ARHGAP32: variants seen among roughly 807,000 people sequenced by gnomAD.
ARHGAP32 encodes the protein rho GTPase-activating protein 32.
A neutral mutation model predicts 186.5 loss-of-function variants in ARHGAP32; 51 were observed. That is an observed-to-expected ratio of 0.27 (90% confidence interval 0.22 to 0.35). The LOEUF (loss-of-function observed/expected upper bound fraction) is 0.35, where lower values mean the gene tolerates loss of function less well. ARHGAP32 is among the 10% of genes least tolerant of loss of function. The pLI, the probability that ARHGAP32 is intolerant of heterozygous loss-of-function variation, is 1.00. For synonymous variants in ARHGAP32, 950 were observed against 964.3 expected (o/e 0.99, Z 0.27); for missense variants, 2,186 against 2,623.5 (o/e 0.83, Z 3.64).
intron 15 of ARHGAP32, among the ~76,000 whole-genome samples, chr11:128,983,221 G>C (rs1026790953): frequency 1.3e-5 from 2 of 152,134 alleles, no homozygotes; most frequent in African/African-American, 4.8e-5. Context: ...TCAAATCAAG[G>C]TCAGAGTGGC....
At chr11:129,085,044 G>C (rs1339215226) in intron 6 of ARHGAP32, among the ~76,000 whole-genome samples, 1 of 151,060 alleles carries the variant, frequency 6.6e-6, no homozygotes, top group African/African-American at 2.4e-5. Flanking sequence ...TTTTTTTAGA[G>C]ACAAAGTCTC....
At chr11:129,129,000 G>A (rs924561736) in intron 2 of ARHGAP32, among the ~76,000 whole-genome samples, 2 of 152,168 alleles carry the variant, frequency 1.3e-5, no homozygotes, top group Non-Finnish European at 2.9e-5. Flanking sequence ...CTGCCTGGCC[G>A]CCACCCCGTC....
intron 1 of ARHGAP32, among the ~76,000 whole-genome samples, chr11:129,177,772 T>C (rs566439311): frequency 0.012 from 1,812 of 152,336 alleles, 40 homozygotes; most frequent in African/African-American, 0.041. Context: ...AAATTAGGTA[T>C]TGATGGGACA....
chr11:129,184,303 G>A (rs781183864), intron 1 of ARHGAP32, among the ~76,000 whole-genome samples: 71 of 152,214 alleles, frequency 4.7e-4, no homozygotes, highest in East Asian at 1.5e-3. Flanking sequence ...GCAAAGAAGC[G>A]CAGATACTTT....
intron 2 of ARHGAP32, among the ~76,000 whole-genome samples, chr11:129,147,727 G>T (rs1478412186): frequency 6.6e-6 from 1 of 152,128 alleles, no homozygotes; most frequent in African/African-American, 2.4e-5. Context: ...GGTAATTTTT[G>T]AATTCTCCTT....
chr11:128,973,998 C>T, intron 21 of ARHGAP32, 126 bp downstream of exon 21: 1 of 1,201,540 alleles, frequency 8.3e-7, no homozygotes, highest in Non-Finnish European at 1.2e-6. Flanking sequence ...CAGCACCACC[C>T]AGAAAAGCAT....
At chr11:129,204,687 T>TA (rs1944495053) in intron 1 of ARHGAP32, among the ~76,000 whole-genome samples, 1 of 152,144 alleles carries the variant, frequency 6.6e-6, no homozygotes, top group South Asian at 2.1e-4. Flanking sequence ...GTTGTAAGAG[T>TA]AAAAATGAGA....
intron 11 of ARHGAP32, among the ~76,000 whole-genome samples, chr11:129,028,409 GA>G (rs567931828): frequency 1.8e-4 from 28 of 152,148 alleles, no homozygotes; most frequent in Middle Eastern, 3.4e-3. Flanking sequence ...GAAATGGGGG[GA>G]AAAAATGGCT....
At chr11:129,023,668 A>G (rs1938699517) in intron 11 of ARHGAP32, among the ~76,000 whole-genome samples, 1 of 152,214 alleles carries the variant, frequency 6.6e-6, no homozygotes, top group Non-Finnish European at 1.5e-5. Context: ...CAAAAAGTAT[A>G]AACTTTTTGA....
At position 129,208,611 on chromosome 11, in the gene ARHGAP32, T is replaced by C. The variant is rs574660788; in HGVS notation, c.-4-44184A>G. On this transcript the variant is annotated intron_variant, in intron 1 of 6. Coordinates refer to the ARHGAP32 transcript ENST00000525234. ...GACAATTAATCATGCATTGCTTGTTTGGCCACCTTCAAACAACCGGACAGT... is the reference window on the plus strand; with the variant it reads ...GACAATTAATCATGCATTGCTTGTTCGGCCACCTTCAAACAACCGGACAGT... Among the ~76,000 whole-genome samples the C allele has an allele frequency of 3.9e-4, 59 of 151,742 alleles. 1 individual carries two copies. The highest frequency in any genetic ancestry group is 1.4e-3 in the African/African-American group (59 of 41,424).
At chr11:129,064,181 G>A (rs1413800231) in intron 8 of ARHGAP32, among the ~76,000 whole-genome samples, 157 bp from the exon 9 acceptor site, 1 of 150,540 alleles carries the variant, frequency 6.6e-6, no homozygotes, top group Non-Finnish European at 1.5e-5. Context: ...AAATATGCTA[G>A]TCATTGTGCT....
chr11:129,023,393 C>T (rs535368940), intron 11 of ARHGAP32, among the ~76,000 whole-genome samples: 3 of 152,046 alleles, frequency 2.0e-5, no homozygotes, highest in Non-Finnish European at 4.4e-5. Context: ...ACACAGTCTA[C>T]CAAATTATTT....
At chr11:129,002,095 T>C (rs747402965) in intron 11 of ARHGAP32, among the ~76,000 whole-genome samples, 3 of 152,212 alleles carry the variant, frequency 2.0e-5, no homozygotes, top group Non-Finnish European at 4.4e-5. Flanking sequence ...TTTAGTTCCA[T>C]ATAAATTTTA....
chr11:129,268,778 C>A (rs1375816334), intron 1 of ARHGAP32, among the ~76,000 whole-genome samples: 1 of 150,380 alleles, frequency 6.6e-6, no homozygotes, highest in African/African-American at 2.4e-5. Flanking sequence ...CACCCTCCAG[C>A]AAATCACAAC....
chr11:129,182,431 C>T (rs1020437966), intron 1 of ARHGAP32, among the ~76,000 whole-genome samples: 2 of 152,026 alleles, frequency 1.3e-5, no homozygotes, highest in South Asian at 2.1e-4. Context: ...TTTCCCAGGT[C>T]GTCATATGTC....
intron 6 of ARHGAP32, among the ~76,000 whole-genome samples, chr11:129,083,104 G>A (rs770141159): frequency 6.6e-6 from 1 of 152,104 alleles, no homozygotes; most frequent in Admixed American, 6.5e-5. Flanking sequence ...ATAACATGTT[G>A]GCATTGATGT....
chr11:129,137,781 T>C (rs190924517), intron 2 of ARHGAP32, among the ~76,000 whole-genome samples: 13 of 152,102 alleles, frequency 8.5e-5, no homozygotes, highest in Non-Finnish European at 1.6e-4. Flanking sequence ...GACAGTCACA[T>C]GCAGATGATG....
At chr11:129,254,614 C>T (rs1945229931) in intron 1 of ARHGAP32, among the ~76,000 whole-genome samples, 1 of 152,100 alleles carries the variant, frequency 6.6e-6, no homozygotes, top group South Asian at 2.1e-4. Context: ...ATGTCACACA[C>T]AGATAATTAA....
intron 1 of ARHGAP32, among the ~76,000 whole-genome samples, chr11:129,242,846 A>G (rs1004500330): frequency 2.0e-5 from 3 of 152,022 alleles, no homozygotes; most frequent in African/African-American, 7.3e-5. Context: ...TTAAATAATG[A>G]GCATATGAAA....
Sources: gnomAD v4.1 joint callset for allele counts (sites outside exome capture counted in the v4.1 genomes callset) on GRCh38, gnomAD v4.1.1 for gene constraint, MANE v1.5 for transcripts, NCBI Gene and HGNC (gene_info 2026-07-23, HGNC 2026-07-21) for gene names.